KLF12: variants seen among roughly 807,000 people sequenced by gnomAD.
The protein encoded by KLF12 is Krueppel-like factor 12.
In KLF12, 9 loss-of-function variants were observed where a neutral mutation model predicts 37.8. The observed-to-expected ratio is 0.24, with a 90% confidence interval of 0.14 to 0.42. The LOEUF (loss-of-function observed/expected upper bound fraction) is 0.42. KLF12 is among the 10% of genes least tolerant of loss of function. The probability of loss-of-function intolerance (pLI) is 1.00; values close to 1 mark genes in which losing one functional copy is unlikely to be tolerated. For synonymous variants in KLF12, 208 were observed against 202.1 expected (o/e 1.03, Z -0.25); for missense variants, 411 against 516.0 (o/e 0.80, Z 1.97).
At chr13:73,848,667 A>G (rs911063077) in intron 3 of KLF12, among the ~76,000 whole-genome samples, 2 of 151,304 alleles carry the variant, frequency 1.3e-5, no homozygotes, top group Non-Finnish European at 2.9e-5. Flanking sequence ...GAAACTTGTG[A>G]AGCCAAATAT....
intron 2 of KLF12, among the ~76,000 whole-genome samples, chr13:73,973,463 CA>C (rs1891403108): frequency 6.6e-6 from 1 of 152,150 alleles, no homozygotes; most frequent in South Asian, 2.1e-4. Context: ...GACATTTTGA[CA>C]TACTTGCACA....
intron 5 of KLF12, among the ~76,000 whole-genome samples, chr13:73,784,634 T>C (rs113146663): frequency 6.7e-6 from 1 of 148,932 alleles, no homozygotes; most frequent in South Asian, 2.1e-4. Flanking sequence ...TCATCTCCTT[T>C]TTTTTTTTTT....
chr13:74,228,981 C>A, the KLF12 span, among the ~76,000 whole-genome samples: 20 of 151,988 alleles, frequency 1.3e-4, no homozygotes, highest in African/African-American at 4.6e-4. Context: ...ATACTAAGAA[C>A]CCTCAGTACA....
At chr13:74,155,055 GCTGA>G in the KLF12 span, among the ~76,000 whole-genome samples, 6 of 152,152 alleles carry the variant, frequency 3.9e-5, no homozygotes, top group East Asian at 1.9e-4. Flanking sequence ...TTCTTTCCCC[GCTGA>G]CTATCAATAT....
At chr13:74,070,828 TA>T (rs1874189356) in intron 1 of KLF12, among the ~76,000 whole-genome samples, 1 of 152,018 alleles carries the variant, frequency 6.6e-6, no homozygotes, top group South Asian at 2.1e-4. Flanking sequence ...ATTTCCCTTA[TA>T]GATAAGTAAA....
At chr13:73,969,025 AC>A (rs1891251603) in intron 2 of KLF12, among the ~76,000 whole-genome samples, 1 of 42,630 alleles carries the variant, frequency 2.3e-5, no homozygotes, top group South Asian at 8.4e-4. Context: ...CTTACCCCAT[AC>A]TTTAAAAAAA....
At chr13:73,817,747 G>A (rs947131375) in intron 4 of KLF12, among the ~76,000 whole-genome samples, 9 of 152,218 alleles carry the variant, frequency 5.9e-5, no homozygotes, top group African/African-American at 2.2e-4. Flanking sequence ...CAACGGAGCT[G>A]TCTCTGTACC....
At chr13:74,077,764 C>G (rs1874648553) in intron 1 of KLF12, among the ~76,000 whole-genome samples, 1 of 152,122 alleles carries the variant, frequency 6.6e-6, no homozygotes, top group Non-Finnish European at 1.5e-5. Context: ...AGAGAAAGAA[C>G]AAGTTCTCGG....
At chr13:74,149,066 C>T in the KLF12 span, among the ~76,000 whole-genome samples, 22 of 152,154 alleles carry the variant, frequency 1.4e-4, no homozygotes, top group South Asian at 4.1e-4. Context: ...CTGCCAGTCT[C>T]GGCCTCCCAA....
chr13:73,696,996 G>A (rs910220370), intron 7 of KLF12, among the ~76,000 whole-genome samples: 4 of 152,000 alleles, frequency 2.6e-5, no homozygotes, highest in African/African-American at 9.7e-5. Context: ...CGAATACTTG[G>A]AGATCTGGGA....
intron 5 of KLF12, among the ~76,000 whole-genome samples, chr13:73,803,997 CTTAAAACCCACTGG>C (rs1882429547): frequency 6.6e-6 from 1 of 152,130 alleles, no homozygotes; most frequent in South Asian, 2.1e-4. Context: ...ACCATTTCCA[CTTAAAACCCACTGG>C]TGGGTTGGGT....
At chr13:73,740,850 T>C (rs1176812750) in intron 6 of KLF12, among the ~76,000 whole-genome samples, 2 of 152,106 alleles carry the variant, frequency 1.3e-5, no homozygotes, top group Non-Finnish European at 2.9e-5. Context: ...GTGGGCAGAC[T>C]TGGGAAAGTG....
rs1873619609 is a variant in KLF12 at position 73,688,382 on chromosome 13, T to C, written c.*7108A>G. 6.6e-6 allele frequency: 1 copy of C among 152,238 alleles called. No individual in the cohort carries two copies. The highest frequency in any genetic ancestry group is 1.5e-5 in the Non-Finnish European group (1 of 68,032). The allele number at this position is 152,238 out of a possible 1,614,324, so 9.4% of individuals were successfully genotyped here. ...AGAATTATCCATTATCTCTCCTTTA[T>C]CATCATCTGAACGTTTGATTGCCAC... On this transcript the variant is annotated 3_prime_UTR_variant, in exon 8 of 8. Coordinates refer to ENST00000377669, the MANE Select transcript of KLF12 (RefSeq NM_007249.5).
chr13:73,863,316 T>C (rs1035977713), intron 3 of KLF12, among the ~76,000 whole-genome samples: 1 of 152,110 alleles, frequency 6.6e-6, no homozygotes. Flanking sequence ...ATAGCAGTAT[T>C]GTAGAGGTGT....
rs1892307492 is a variant in KLF12 at position 74,002,539 on chromosome 13, CTAA to C, written c.-31-7489_-31-7487del. 2.6e-5 allele frequency among the ~76,000 whole-genome samples: 4 copies of C among 152,142 alleles called. No homozygotes were observed. The South Asian group carries it at 8.3e-4, about 32-fold the overall frequency. ...TACAGGCTAGCGCCACCACATTCGG[CTAA>C]TGTTTTGTAGAGACGGAGTTCTGCC... is the stretch of plus-strand genomic sequence containing the variant. On this transcript the variant is annotated intron_variant, in intron 1 of 7. Transcript: ENST00000377669.
At chr13:73,904,469 C>CTT (rs11342071) in intron 3 of KLF12, among the ~76,000 whole-genome samples, 105 of 91,982 alleles carry the variant, frequency 1.1e-3, no homozygotes, top group African/African-American at 3.8e-3. Context: ...TCTTTCTTTC[C>CTT]TTTTTTTTTT....
chr13:73,961,540 C>T (rs1395943025), intron 2 of KLF12, among the ~76,000 whole-genome samples: 2 of 152,076 alleles, frequency 1.3e-5, no homozygotes, highest in Non-Finnish European at 2.9e-5. Flanking sequence ...TTGTAATTGA[C>T]GGATTGCTAG....
At chr13:73,845,630 A>G (rs1884970461) in intron 4 of KLF12, among the ~76,000 whole-genome samples, 197 bp downstream of exon 4, 1 of 152,158 alleles carries the variant, frequency 6.6e-6, no homozygotes, top group Non-Finnish European at 1.5e-5. Context: ...GCAAAACTGG[A>G]GCATATACCT....
chr13:74,123,997 G>A (rs959558310), intron 1 of KLF12, among the ~76,000 whole-genome samples: 1 of 152,006 alleles, frequency 6.6e-6, no homozygotes, highest in Non-Finnish European at 1.5e-5. Context: ...CAGGCACAAA[G>A]CAATTTTTGT....
Sources: gnomAD v4.1 joint callset for allele counts (sites outside exome capture counted in the v4.1 genomes callset) on GRCh38, gnomAD v4.1.1 for gene constraint, MANE v1.5 for transcripts, NCBI Gene and HGNC (gene_info 2026-07-23, HGNC 2026-07-21) for gene names.